The following TAFA2 variants were observed in gnomAD, a reference collection of about 807,000 sequenced individuals.
TAFA2 encodes the protein TAFA chemokine like family member 2.
TAFA2 carries 7 observed loss-of-function variants against 18.8 expected under a neutral mutation model. The observed-to-expected ratio is 0.37, with a 90% CI of 0.21 to 0.70. TAFA2 has a LOEUF of 0.70. TAFA2 is among the 30% of genes least tolerant of loss of function. TAFA2 has a pLI of 0.53. For synonymous variants in TAFA2, 60 were observed against 54.2 expected, an observed-to-expected ratio of 1.11 and a Z score of -0.47; for missense variants, 122 against 158.1, an observed-to-expected ratio of 0.77 and a Z score of 1.23.
chr12:62,020,910 C>T (rs988836882), intron 1 of TAFA2, among the ~76,000 whole-genome samples: 3 of 152,098 alleles, frequency 2.0e-5, no homozygotes, highest in Non-Finnish European at 2.9e-5. Flanking sequence ...TTTCACGACA[C>T]GTTTATATAA....
At chr12:61,807,958 A>G (rs1463106426) in intron 2 of TAFA2, among the ~76,000 whole-genome samples, 1 of 151,562 alleles carries the variant, frequency 6.6e-6, no homozygotes, top group Non-Finnish European at 1.5e-5. Flanking sequence ...GTCTCAGATG[A>G]GAACTTGGAC....
At chr12:62,013,764 T>A (rs918948248) in intron 1 of TAFA2, among the ~76,000 whole-genome samples, 1 of 152,222 alleles carries the variant, frequency 6.6e-6, no homozygotes, top group Admixed American at 6.5e-5. Context: ...TATTAGACAC[T>A]GGGAGATTCA....
chr12:61,904,032 C>T (rs1237411261), intron 1 of TAFA2, among the ~76,000 whole-genome samples: 2 of 152,134 alleles, frequency 1.3e-5, no homozygotes, highest in Admixed American at 1.3e-4. Flanking sequence ...CTTCAAAGCT[C>T]TTCTTTTCAG....
At chr12:62,071,954 G>A (rs1882641615) in intron 1 of TAFA2, among the ~76,000 whole-genome samples, 1 of 152,130 alleles carries the variant, frequency 6.6e-6, no homozygotes. Flanking sequence ...ACACTTCACT[G>A]CACTAATATT....
chr12:61,791,795 G>A (rs1387821047), intron 2 of TAFA2, among the ~76,000 whole-genome samples: 6 of 151,640 alleles, frequency 4.0e-5, no homozygotes, highest in Admixed American at 4.0e-4. Flanking sequence ...AGTCATTGTG[G>A]AAAACATTTT....
At chr12:61,771,477 G>A (rs1018717824) in intron 2 of TAFA2, among the ~76,000 whole-genome samples, 1 of 151,752 alleles carries the variant, frequency 6.6e-6, no homozygotes, top group Middle Eastern at 3.2e-3. Flanking sequence ...CAATATGATA[G>A]TCCACAAAAC....
intron 1 of TAFA2, among the ~76,000 whole-genome samples, chr12:62,112,889 T>A (rs536376629): frequency 6.6e-6 from 1 of 152,254 alleles, no homozygotes; most frequent in Admixed American, 6.5e-5. Flanking sequence ...CTCTAACCTT[T>A]TATCAGGGTT....
rs199875107 is a variant in TAFA2 at position 62,202,820 on chromosome 12, T to TC, written c.-130+55942dup. 9.7e-3 allele frequency among the ~76,000 whole-genome samples: 1,272 copies of TC among 130,634 alleles called. 68 individuals are homozygous for TC. The highest frequency in any genetic ancestry group is 0.016 in the Non-Finnish European group (961 of 61,848). 85.7% of individuals were successfully genotyped at this position (130,634 alleles called of 152,430 possible). A position where few individuals can be genotyped will look rare whatever the true frequency, so the allele number is the denominator to read the frequency against. ...TTCAATTTACATGTAGCTGTGTGGTTCTTTTTTTTTTTTTTTTTTTTTTTT... is the reference window on the plus strand; with the variant it reads ...TTCAATTTACATGTAGCTGTGTGGTTCCTTTTTTTTTTTTTTTTTTTTTTTT... On this transcript the variant is annotated intron_variant, in intron 1 of 5. Coordinates refer to the TAFA2 transcript ENST00000551619.
intron 1 of TAFA2, among the ~76,000 whole-genome samples, chr12:62,103,702 T>C (rs1342001065): frequency 6.6e-6 from 1 of 151,288 alleles, no homozygotes; most frequent in Non-Finnish European, 1.5e-5. Flanking sequence ...GATTGCGCCA[T>C]TGAACTCCAG....
chr12:62,222,385 G>C (rs1020730484), intron 1 of TAFA2, among the ~76,000 whole-genome samples: 2 of 152,162 alleles, frequency 1.3e-5, no homozygotes, highest in Admixed American at 6.6e-5. Context: ...TTAATAGGGA[G>C]AGCTTAATGA....
At chr12:62,255,433 T>C (rs1372206368) in intron 1 of TAFA2, 1 of 152,226 alleles carries the variant, frequency 6.6e-6, no homozygotes, top group East Asian at 1.9e-4. Flanking sequence ...TTCTTGAAAG[T>C]TTCCTACCAT....
At chr12:61,963,101 A>G (rs567102814) in intron 1 of TAFA2, among the ~76,000 whole-genome samples, 1 of 152,114 alleles carries the variant, frequency 6.6e-6, no homozygotes, top group Admixed American at 6.6e-5. Context: ...TATATGTGCC[A>G]TATTTTCTTT....
intron 2 of TAFA2, among the ~76,000 whole-genome samples, chr12:61,809,611 G>C (rs1026087172): frequency 2.0e-5 from 3 of 151,060 alleles, no homozygotes; most frequent in African/African-American, 7.4e-5. Flanking sequence ...TCATGATTTA[G>C]AGCATTTTTA....
At chr12:62,185,111 A>G (rs1208748277) in intron 1 of TAFA2, among the ~76,000 whole-genome samples, 1 of 152,244 alleles carries the variant, frequency 6.6e-6, no homozygotes, top group African/African-American at 2.4e-5. Flanking sequence ...ATTTATAAGC[A>G]TGCCAATTAT....
chr12:61,943,898 G>C (rs1262814953), intron 1 of TAFA2, among the ~76,000 whole-genome samples: 170 of 142,056 alleles, frequency 1.2e-3, no homozygotes, highest in Non-Finnish European at 2.1e-3. Context: ...AGATCAACGA[G>C]ACAGAAAGTC....
At chr12:61,749,993 C>CCCCCCACACACA (rs1555161293) in intron 4 of TAFA2, among the ~76,000 whole-genome samples, 10 of 148,782 alleles carry the variant, frequency 6.7e-5, no homozygotes, top group African/African-American at 2.5e-4. Flanking sequence ...TCAAAACACC[C>CCCCCCACACACA]CACACACACA....
intron 1 of TAFA2, among the ~76,000 whole-genome samples, chr12:61,881,880 C>T (rs1875157685): frequency 6.6e-6 from 1 of 151,670 alleles, no homozygotes; most frequent in African/African-American, 2.4e-5. Flanking sequence ...GTAGGTAGCA[C>T]TTTCTACTCA....
intron 1 of TAFA2, among the ~76,000 whole-genome samples, chr12:62,148,474 T>C (rs1188116069): frequency 1.3e-5 from 2 of 152,134 alleles, no homozygotes; most frequent in Admixed American, 6.5e-5. Context: ...GTTCCCACTA[T>C]CAGTGGGAGC....
At chr12:61,728,343 T>C (rs1219030776) in intron 4 of TAFA2, among the ~76,000 whole-genome samples, 2 of 152,186 alleles carry the variant, frequency 1.3e-5, no homozygotes, top group East Asian at 1.9e-4. Flanking sequence ...TCCACTATTA[T>C]TGTGTGGCTG....
Sources: allele counts gnomAD v4.1 joint callset (sites outside exome capture counted in the v4.1 genomes callset), GRCh38; gene constraint gnomAD v4.1.1; transcripts MANE v1.5; gene names NCBI Gene and HGNC (gene_info 2026-07-23, HGNC 2026-07-21).